GAS2: variants seen among roughly 807,000 people sequenced by gnomAD.
GAS2 encodes the protein growth arrest-specific protein 2.
In GAS2, 20 loss-of-function variants were observed where a neutral mutation model predicts 37.5. That is an observed-to-expected ratio of 0.53 (90% confidence interval 0.37 to 0.77). GAS2 has a LOEUF of 0.77. Among genes scored for constraint, GAS2 ranks in the 30% least tolerant of loss-of-function variants. The pLI is 0.00. For missense variants in GAS2, 336 were observed against 373.4 expected (o/e 0.90, Z 0.82); for synonymous variants, 144 against 132.2 (o/e 1.09, Z -0.61).
At chr11:22,626,310 T>C (rs1858652543) in intron 1 of GAS2, 1 of 171,154 alleles carries the variant, frequency 5.8e-6, no homozygotes, top group African/African-American at 2.4e-5. Context: ...GGCGCTATGC[T>C]GAATTCTGGG....
chr11:22,812,812 T>C lies in GAS2; in HGVS notation c.*796T>C, dbSNP rs1202956267. The C allele has an allele frequency of 6.6e-6, 1 of 152,634 alleles. No homozygotes were observed. The highest frequency in any genetic ancestry group is 1.5e-5 in the Non-Finnish European group (1 of 68,034). The allele number at this position is 152,634 out of a possible 1,614,324, so 9.5% of individuals were successfully genotyped here. A position where few individuals can be genotyped will look rare whatever the true frequency, so the allele number is the denominator to read the frequency against. ...TTCATGTTATTTCAAAGCATTTTCT[T>C]ATTAAAAATATATCTTTAGTTAATC... On this transcript the variant is annotated 3_prime_UTR_variant, in exon 8 of 8. Coordinates refer to ENST00000454584, the MANE Select transcript of GAS2 (RefSeq NM_001143830.3).
At chr11:22,809,654 ATTT>A (rs34667252) in intron 7 of GAS2, among the ~76,000 whole-genome samples, 2 of 131,914 alleles carry the variant, frequency 1.5e-5, no homozygotes. Flanking sequence ...TGCCCAGCTA[ATTT>A]TTTTTTTTTT....
chr11:22,707,299 A>T (rs114120065), intron 3 of GAS2, among the ~76,000 whole-genome samples: 1,802 of 152,314 alleles, frequency 0.012, 34 homozygotes, highest in African/African-American at 0.042. Flanking sequence ...CCTGAGGGTT[A>T]TGAGCCTTGT....
At chr11:22,652,357 A>T (rs1179306248) in intron 1 of GAS2, among the ~76,000 whole-genome samples, 5 of 152,174 alleles carry the variant, frequency 3.3e-5, no homozygotes, top group Non-Finnish European at 5.9e-5. Context: ...GTCTGCAGAG[A>T]TTACTGCTGT....
chr11:22,798,011 G>T (rs544391652), intron 7 of GAS2, among the ~76,000 whole-genome samples: 2 of 152,078 alleles, frequency 1.3e-5, no homozygotes, highest in African/African-American at 2.4e-5. Flanking sequence ...ACTTTAGGAT[G>T]TATAGTTGAG....
At chr11:22,641,731 GAC>G (rs1463089387) in intron 1 of GAS2, among the ~76,000 whole-genome samples, 1 of 152,098 alleles carries the variant, frequency 6.6e-6, no homozygotes, top group Non-Finnish European at 1.5e-5. Context: ...GAGTTTGACT[GAC>G]ACAGTTGCCT....
chr11:22,782,108 G>C (rs1855582163), intron 7 of GAS2, among the ~76,000 whole-genome samples: 1 of 152,170 alleles, frequency 6.6e-6, no homozygotes, highest in African/African-American at 2.4e-5. Context: ...GCAAATATTG[G>C]AAGGAATTGT....
intron 7 of GAS2, among the ~76,000 whole-genome samples, chr11:22,806,962 C>G (rs932968841): frequency 6.6e-6 from 1 of 152,162 alleles, no homozygotes; most frequent in African/African-American, 2.4e-5. Flanking sequence ...TGTAGAAAGT[C>G]CTTTCTGTTT....
At chr11:22,641,469 G>T (rs1848629335) in intron 1 of GAS2, among the ~76,000 whole-genome samples, 1 of 150,804 alleles carries the variant, frequency 6.6e-6, no homozygotes, top group Non-Finnish European at 1.5e-5. Flanking sequence ...TTTACATTAG[G>T]TACATCTCCT....
chr11:22,655,172 TCACTTA>T (rs1299795687), intron 1 of GAS2, among the ~76,000 whole-genome samples: 1 of 152,148 alleles, frequency 6.6e-6, no homozygotes, highest in Non-Finnish European at 1.5e-5. Context: ...TAGGGCTCAA[TCACTTA>T]CCTTATCCTG....
chr11:22,714,114 G>T (rs1851547458), intron 3 of GAS2, among the ~76,000 whole-genome samples: 1 of 152,174 alleles, frequency 6.6e-6, no homozygotes, highest in South Asian at 2.1e-4. Flanking sequence ...CCAAGTGTCT[G>T]CCATCTTCAA....
chr11:22,708,046 A>C (rs1565100257), intron 3 of GAS2, among the ~76,000 whole-genome samples: 2 of 151,804 alleles, frequency 1.3e-5, no homozygotes. Context: ...AGGGTAATTG[A>C]AGAGATATTC....
chr11:22,777,541 C>G (rs1391401673), intron 7 of GAS2, among the ~76,000 whole-genome samples: 1 of 152,070 alleles, frequency 6.6e-6, no homozygotes, highest in Non-Finnish European at 1.5e-5. Flanking sequence ...GGAAAGCTTT[C>G]AAAGAGAAGG....
upstream of GAS2, among the ~76,000 whole-genome samples, chr11:22,665,004 CA>C (rs67106131): frequency 0.96 from 144,799 of 150,368 alleles, 69,887 homozygotes; most frequent in South Asian, 1. Context: ...AAATTTAAGA[CA>C]AAAAAAAAAA....
At chr11:22,755,367 C>T (rs1450179645) in intron 6 of GAS2, among the ~76,000 whole-genome samples, 1 of 151,806 alleles carries the variant, frequency 6.6e-6, no homozygotes, top group Admixed American at 6.6e-5. Context: ...CAATAGTCTC[C>T]TTAAAAAAAC....
chr11:22,641,771 A>G (rs1848632388), intron 1 of GAS2, among the ~76,000 whole-genome samples: 1 of 152,134 alleles, frequency 6.6e-6, no homozygotes, highest in African/African-American at 2.4e-5. Flanking sequence ...TATAATTAAT[A>G]TGTTAGTGAG....
chr11:22,777,295 T>G (rs1171835123), intron 7 of GAS2, among the ~76,000 whole-genome samples: 1 of 152,162 alleles, frequency 6.6e-6, no homozygotes, highest in Non-Finnish European at 1.5e-5. Flanking sequence ...CATTACCTCT[T>G]GTATATAAGG....
At chr11:22,652,223 A>G (rs2133833391) in intron 1 of GAS2, among the ~76,000 whole-genome samples, 1 of 152,238 alleles carries the variant, frequency 6.6e-6, no homozygotes, top group Admixed American at 6.5e-5. Flanking sequence ...CCTCCCATTT[A>G]GGCTGCTCGG....
chr11:22,788,624 T>A (rs1038182794), intron 7 of GAS2, among the ~76,000 whole-genome samples: 4 of 152,148 alleles, frequency 2.6e-5, no homozygotes, highest in Non-Finnish European at 5.9e-5. Flanking sequence ...TAATCTAGGG[T>A]TTGTACTAAT....
Sources: allele counts gnomAD v4.1 joint callset (sites outside exome capture counted in the v4.1 genomes callset), GRCh38; gene constraint gnomAD v4.1.1; transcripts MANE v1.5; gene names NCBI Gene and HGNC (gene_info 2026-07-23, HGNC 2026-07-21).